Variants in MRRF observed in about 807,000 individuals in gnomAD.
MRRF encodes the protein mitochondrial ribosome recycling factor.
In MRRF, 18 loss-of-function variants were observed where a neutral mutation model predicts 25.1. The ratio of observed to expected loss-of-function variants is 0.72; its 90% CI spans 0.50 to 1.06. MRRF has a LOEUF of 1.06. MRRF is among the 50% of genes least tolerant of loss of function. MRRF has a pLI of 0.00. For missense variants in MRRF, 323 were observed against 319.3 expected, an observed-to-expected ratio of 1.01 and a Z score of -0.09; for synonymous variants, 113 against 112.1, an observed-to-expected ratio of 1.01 and a Z score of -0.05.
At chr9:122,275,182 A>G (rs995059855) in intron 2 of MRRF, among the ~76,000 whole-genome samples, 1 of 151,282 alleles carries the variant, frequency 6.6e-6, no homozygotes, top group African/African-American at 2.4e-5. Context: ...TAGTCCTCCT[A>G]TTGTACATTA....
intron 2 of MRRF, among the ~76,000 whole-genome samples, chr9:122,278,898 T>A (rs567075964): frequency 6.6e-6 from 1 of 152,116 alleles, no homozygotes; most frequent in Non-Finnish European, 1.5e-5. Flanking sequence ...TTTTTTTTTT[T>A]CTTTGATCTG....
At chr9:122,303,675 CT>C (rs1834622100) in intron 5 of MRRF, among the ~76,000 whole-genome samples, 1 of 152,138 alleles carries the variant, frequency 6.6e-6, no homozygotes, top group Non-Finnish European at 1.5e-5. Context: ...TCGCATTGTT[CT>C]TTTGGCTGCC....
intron 3 of MRRF, 54 bp from the exon 4 acceptor site, chr9:122,285,115 T>G: frequency 9.0e-7 from 1 of 1,106,914 alleles, no homozygotes; most frequent in Non-Finnish European, 1.4e-6. Flanking sequence ...AGGACTTAGA[T>G]TTGGGGCTAC....
Position 122,270,912 on chromosome 9 carries a change from CT to C in MRRF, c.23del (p.Phe8SerfsTer24). 6.2e-7 allele frequency: 1 copy of C among 1,614,146 alleles called. No homozygotes were observed. The highest frequency in any genetic ancestry group is 1.6e-4 in the Middle Eastern group (1 of 6,062). On this transcript the variant is annotated frameshift_variant, in exon 2 of 7. Transcript: ENST00000344641. LOFTEE classifies it high-confidence loss of function. MALGLKC[F>X]RMVHPTFRNY... ...CAGTCATGGCCTTGGGATTAAAGTG[CT>C]TCCGCATGGTCCACCCTACCTTTCG... is the stretch of plus-strand genomic sequence containing the variant.
At chr9:122,271,199 C>T in intron 2 of MRRF, 124 bp downstream of exon 2, 2 of 865,114 alleles carry the variant, frequency 2.3e-6, no homozygotes, top group South Asian at 2.7e-5. Flanking sequence ...AATGGTGCCT[C>T]AGCTATTTCA....
intron 6 of MRRF, 82 bp from the exon 7 acceptor site, chr9:122,322,458 C>T: frequency 3.2e-6 from 4 of 1,242,554 alleles, no homozygotes; most frequent in Non-Finnish European, 4.7e-6. Flanking sequence ...TCTCACATAA[C>T]CTTTTCATGT....
intron 4 of MRRF, chr9:122,285,901 C>T (rs1216493096): frequency 7.7e-7 from 1 of 1,295,350 alleles, no homozygotes; most frequent in Non-Finnish European, 1.0e-6. Context: ...ACTAGACTGA[C>T]CATTGCAGAA....
intron 6 of MRRF, among the ~76,000 whole-genome samples, chr9:122,316,121 T>C (rs1197287226): frequency 6.6e-6 from 1 of 152,234 alleles, no homozygotes; most frequent in Non-Finnish European, 1.5e-5. Flanking sequence ...CAAGAAAAAG[T>C]ATCATACAAT....
Position 122,331,046 on chromosome 9 carries a change from A to T in MRRF, c.*8429A>T, listed in dbSNP as rs1484847083. On this transcript the variant is annotated 3_prime_UTR_variant, in exon 7 of 7. Coordinates refer to ENST00000344641, the MANE Select transcript of MRRF (RefSeq NM_138777.5). Reference sequence around the variant, plus strand: ...CTGGAAAGGGACTTGTGAGGTGCTAAGTAGCCAGTGAGAGCTTCTGGGTCC... The same window carrying T: ...CTGGAAAGGGACTTGTGAGGTGCTATGTAGCCAGTGAGAGCTTCTGGGTCC... 6.6e-6 allele frequency: 1 copy of T among 152,154 alleles called. No individual in the cohort carries two copies. Among genetic ancestry groups the T allele is most frequent in the Non-Finnish European group, 1.5e-5 (1 of 68,028 alleles). 9.4% of individuals were successfully genotyped at this position (152,154 alleles called of 1,614,324 possible).
In MRRF at chr9:122,282,401, G is replaced by A. The variant is rs140520928; in HGVS notation, c.340+1803G>A. On this transcript the variant is annotated intron_variant, in intron 3 of 6. Transcript: ENST00000344641. ...TCTGTGCTGATTAATATGTGCTGTGGATACAGAGAGAAAATATATTGTCCC... is the reference window on the plus strand; with the variant it reads ...TCTGTGCTGATTAATATGTGCTGTGAATACAGAGAGAAAATATATTGTCCC... Among the ~76,000 whole-genome samples the A allele has an allele frequency of 3.7e-3, 558 of 152,322 alleles. 3 individuals carry two copies. The highest frequency in any genetic ancestry group is 8.7e-3 in the South Asian group (42 of 4,832).
intron 5 of MRRF, among the ~76,000 whole-genome samples, chr9:122,296,407 G>C (rs930395094): frequency 6.6e-6 from 1 of 152,138 alleles, no homozygotes; most frequent in Non-Finnish European, 1.5e-5. Context: ...GAGGTATAAT[G>C]CCTGGAAGTG....
rs2119036707 is a variant in MRRF at position 122,324,727 on chromosome 9, T to G, written c.*2110T>G. ...TCCAACTTCTCTTTGCTCTTTGACT[T>G]CCTCCAGATTCTCTCCTGTGCTGGA... On this transcript the variant is annotated 3_prime_UTR_variant, in exon 7 of 7. Coordinates refer to ENST00000344641, the MANE Select transcript of MRRF (RefSeq NM_138777.5). The G allele has an allele frequency of 6.6e-6, 1 of 152,352 alleles. No individual in the cohort carries two copies. Among genetic ancestry groups the G allele is most frequent in the South Asian group, 2.1e-4 (1 of 4,828 alleles). 9.4% of individuals were successfully genotyped at this position (152,352 alleles called of 1,614,324 possible). A position where few individuals can be genotyped will look rare whatever the true frequency, so the allele number is the denominator to read the frequency against.
At chr9:122,297,413 A>G (rs1444460871) in intron 5 of MRRF, among the ~76,000 whole-genome samples, 1 of 151,854 alleles carries the variant, frequency 6.6e-6, no homozygotes, top group African/African-American at 2.4e-5. Context: ...TATGTCTGGT[A>G]TCTCCTTCAT....
In MRRF at chr9:122,270,917, G is replaced by C. The variant is rs368083790; in HGVS notation, c.26G>C (p.Arg9Pro). Residue 9 changes from arginine (R) to proline (P), a missense_variant, in exon 2 of 7, where the codon CGC (arginine) becomes CCC (proline). Arg to Pro is a moderately radical substitution (Grantham distance 103). Transcript: ENST00000344641. ...ATGGCCTTGGGATTAAAGTGCTTCC[G>C]CATGGTCCACCCTACCTTTCGCAAT... is the stretch of plus-strand genomic sequence containing the variant. The part of the protein sequence containing the change: MALGLKCF[R>P]MVHPTFRNYL... The C allele has an allele frequency of 1.7e-5, 28 of 1,613,952 alleles. No individual in the cohort carries two copies. The highest frequency in any genetic ancestry group is 2.2e-5 in the Non-Finnish European group (26 of 1,180,000).
chr9:122,317,936 G>T (rs1001393871), intron 6 of MRRF, among the ~76,000 whole-genome samples: 5 of 152,082 alleles, frequency 3.3e-5, no homozygotes, highest in African/African-American at 1.2e-4. Flanking sequence ...AGGAGATCGA[G>T]ACCGTCCTGG....
At chr9:122,276,098 G>A (rs1832753842) in intron 2 of MRRF, among the ~76,000 whole-genome samples, 1 of 151,824 alleles carries the variant, frequency 6.6e-6, no homozygotes, top group Non-Finnish European at 1.5e-5. Context: ...TTTTTTAGTA[G>A]AGATGGGATT....
Position 122,327,128 on chromosome 9 carries a change from G to A in MRRF, c.*4511G>A, listed in dbSNP as rs1836165465. 6.6e-6 allele frequency: 1 copy of A among 152,190 alleles called. No individual in the cohort carries two copies. The highest frequency in any genetic ancestry group is 2.1e-4 in the South Asian group (1 of 4,826). The allele number at this position is 152,190 out of a possible 1,614,324, so 9.4% of individuals were successfully genotyped here. A position where few individuals can be genotyped will look rare whatever the true frequency, so the allele number is the denominator to read the frequency against. ...AAAATAGCATAGTACCTGGCACATT[G>A]TAAACACCAAAGAAATGGTAGCTCT... is the stretch of plus-strand genomic sequence containing the variant. On this transcript the variant is annotated 3_prime_UTR_variant, in exon 7 of 7. Coordinates refer to ENST00000344641, the MANE Select transcript of MRRF (RefSeq NM_138777.5).
intron 2 of MRRF, 61 bp downstream of exon 2, chr9:122,271,136 T>C: frequency 7.1e-7 from 1 of 1,403,044 alleles, no homozygotes; most frequent in Non-Finnish European, 1.0e-6. Flanking sequence ...CCTTGAATTA[T>C]AGCTGGCAGG....
At chr9:122,312,126 T>G (rs770193522) in intron 5 of MRRF, among the ~76,000 whole-genome samples, 1 of 152,162 alleles carries the variant, frequency 6.6e-6, no homozygotes, top group East Asian at 1.9e-4. Flanking sequence ...TTACTTGAAA[T>G]AGATTACAAG....
Sources: gnomAD v4.1 joint callset for allele counts (sites outside exome capture counted in the v4.1 genomes callset) on GRCh38, gnomAD v4.1.1 for gene constraint, MANE v1.5 for transcripts, NCBI Gene and HGNC (gene_info 2026-07-23, HGNC 2026-07-21) for gene names.